ASPH: variants seen among roughly 807,000 people sequenced by gnomAD.
ASPH encodes aspartyl/asparaginyl beta-hydroxylase.
ASPH carries 100 observed loss-of-function variants against 118.4 expected under a neutral mutation model. The ratio of observed to expected loss-of-function variants is 0.84; its 90% CI spans 0.72 to 1.00. The LOEUF (loss-of-function observed/expected upper bound fraction) is 1.00, where lower values mean the gene tolerates loss of function less well. Among genes scored for constraint, ASPH ranks in the 50% least tolerant of loss-of-function variants. The pLI, the probability that ASPH is intolerant of heterozygous loss-of-function variation, is 0.00. For synonymous variants in ASPH, 315 were observed against 325.6 expected (o/e 0.97, Z 0.35); for missense variants, 920 against 919.5 (o/e 1.00, Z -0.01).
intron 13 of ASPH, chr8:61,626,395 T>G (rs75362004): frequency 2.4e-6 from 3 of 1,265,546 alleles, no homozygotes; most frequent in Non-Finnish European, 3.0e-6. Context: ...TTTTTTTTTT[T>G]GGTGTTTGTT....
chr8:61,646,643 TCTAA>T, intron 6 of ASPH, 103 bp downstream of exon 6: 1 of 1,253,522 alleles, frequency 8.0e-7, no homozygotes, highest in Non-Finnish European at 1.0e-6. Context: ...CTTTTAAAAA[TCTAA>T]GCAAAAGTTA....
At chr8:61,506,870 A>G (rs1416323612) in intron 24 of ASPH, among the ~76,000 whole-genome samples, 1 of 152,182 alleles carries the variant, frequency 6.6e-6, no homozygotes, top group Non-Finnish European at 1.5e-5. Context: ...ACAACTAAAA[A>G]CTTCCAAGGG....
chr8:61,653,708 C>G, intron 3 of ASPH, 48 bp from the exon 4 acceptor site: 1 of 1,561,920 alleles, frequency 6.4e-7, no homozygotes, highest in Non-Finnish European at 8.8e-7. Context: ...GTGGGGTTTT[C>G]TGTCACATTA....
chr8:61,624,246 G>A (rs1419970942), intron 13 of ASPH: 3 of 985,300 alleles, frequency 3.0e-6, no homozygotes, highest in Non-Finnish European at 3.6e-6. Flanking sequence ...AAAAAAGGTG[G>A]AGCAGGCTGT....
intron 1 of ASPH, among the ~76,000 whole-genome samples, chr8:61,705,807 T>A (rs1563664620): frequency 2.4e-5 from 3 of 122,934 alleles, no homozygotes; most frequent in Middle Eastern, 9.3e-3. Context: ...AAGCTCTAGT[T>A]AGCTACAGGC....
chr8:61,677,942 C>A (rs1826169519), intron 3 of ASPH, among the ~76,000 whole-genome samples: 2 of 152,158 alleles, frequency 1.3e-5, no homozygotes, highest in African/African-American at 4.8e-5. Flanking sequence ...AAGCAACCTT[C>A]CTGTGGTTCT....
intron 20 of ASPH, among the ~76,000 whole-genome samples, chr8:61,552,001 T>A (rs1039087559): frequency 6.6e-6 from 1 of 152,236 alleles, no homozygotes; most frequent in African/African-American, 2.4e-5. Flanking sequence ...GATTGGTTCA[T>A]GTTCCTAGCA....
At chr8:61,558,493 A>G (rs960952423) in intron 18 of ASPH, among the ~76,000 whole-genome samples, 1 of 152,216 alleles carries the variant, frequency 6.6e-6, no homozygotes, top group Non-Finnish European at 1.5e-5. Context: ...TCTCCTGGGG[A>G]GTAGAAAAAA....
chr8:61,570,188 G>T (rs547034105), intron 16 of ASPH, among the ~76,000 whole-genome samples: 1 of 152,270 alleles, frequency 6.6e-6, no homozygotes, highest in Non-Finnish European at 1.5e-5. Context: ...CTACATTTGT[G>T]CAAAATTACC....
chr8:61,651,983 T>A (rs1811259935), intron 4 of ASPH, among the ~76,000 whole-genome samples: 1 of 152,230 alleles, frequency 6.6e-6, no homozygotes, highest in Non-Finnish European at 1.5e-5. Flanking sequence ...AAAGAGCTAA[T>A]CTTCCATGAC....
At chr8:61,704,783 T>A (rs1278620002) in intron 1 of ASPH, among the ~76,000 whole-genome samples, 1 of 152,188 alleles carries the variant, frequency 6.6e-6, no homozygotes, top group African/African-American at 2.4e-5. Flanking sequence ...AGCCACGGCA[T>A]ACCCACCAGA....
At chr8:61,653,768 T>C in intron 3 of ASPH, 108 bp from the exon 4 acceptor site, 1 of 1,106,452 alleles carries the variant, frequency 9.0e-7, no homozygotes, top group South Asian at 1.7e-5. Flanking sequence ...TGCTGCTAAT[T>C]AATAGTTTCT....
At chr8:61,522,149 T>C (rs918524994) in intron 22 of ASPH, among the ~76,000 whole-genome samples, 2 of 152,226 alleles carry the variant, frequency 1.3e-5, no homozygotes, top group Non-Finnish European at 2.9e-5. Context: ...AAAGTTATTT[T>C]TGGGGAACAA....
intron 17 of ASPH, among the ~76,000 whole-genome samples, chr8:61,564,268 G>C (rs1830891918): frequency 6.6e-6 from 1 of 151,768 alleles, no homozygotes; most frequent in South Asian, 2.1e-4. Context: ...TGGAGACTGA[G>C]GCAAGAGGAA....
intron 15 of ASPH, among the ~76,000 whole-genome samples, chr8:61,581,266 A>T (rs779232604): frequency 2.6e-4 from 40 of 152,200 alleles, no homozygotes; most frequent in Non-Finnish European, 4.4e-4. Context: ...AAGTTTTTGT[A>T]TAGCTCCAAA....
intron 1 of ASPH, among the ~76,000 whole-genome samples, chr8:61,705,380 G>A (rs1836331734): frequency 1.3e-5 from 2 of 152,176 alleles, no homozygotes; most frequent in South Asian, 2.1e-4. Flanking sequence ...ACCTGTATAT[G>A]TACCCCTGAA....
chr8:61,547,999 G>T, intron 21 of ASPH, 72 bp downstream of exon 21: 1 of 1,480,748 alleles, frequency 6.8e-7, no homozygotes, highest in South Asian at 1.4e-5. Context: ...TCCTTTTTAT[G>T]ATAAACATTT....
intron 16 of ASPH, among the ~76,000 whole-genome samples, chr8:61,573,396 T>C (rs565157325): frequency 1.3e-5 from 2 of 152,088 alleles, no homozygotes; most frequent in African/African-American, 4.8e-5. Flanking sequence ...AAAAGAGCCA[T>C]ATAGCCAAGA....
chr8:61,651,060 G>A lies in ASPH; in HGVS notation c.480C>T (p.His160=), dbSNP rs759403041. The change falls in exon 5 of 25, where the codon CAC becomes CAT. Residue 160 remains histidine, a synonymous_variant. Transcript: ENST00000379454. ...QIQSLLHEMV[H]AEHVEGEDLQ... ...GATTTTAATTCATACCATGTTCTGC[G>A]TGTACCATTTCATGGAGAAGGGACT... is the stretch of plus-strand genomic sequence containing the variant. The A allele has an allele frequency of 4.8e-5, 77 of 1,612,840 alleles. No individual in the cohort carries two copies. The highest frequency in any genetic ancestry group is 2.2e-4 in the Admixed American group (13 of 59,906).
Sources: gnomAD v4.1 joint callset for allele counts (sites outside exome capture counted in the v4.1 genomes callset) on GRCh38, gnomAD v4.1.1 for gene constraint, MANE v1.5 for transcripts, NCBI Gene and HGNC (gene_info 2026-07-23, HGNC 2026-07-21) for gene names.